Variants in OXCT1 observed in about 807,000 individuals in gnomAD.
OXCT1 encodes the protein succinyl-CoA:3-ketoacid coenzyme A transferase 1, mitochondrial.
In OXCT1, 27 loss-of-function variants were observed where a neutral mutation model predicts 69.6. That is an observed-to-expected ratio of 0.39 (90% CI 0.29 to 0.54). The LOEUF is 0.54. OXCT1 is among the 20% of genes least tolerant of loss of function. The pLI is 0.72. For synonymous variants in OXCT1, 202 were observed against 217.8 expected (o/e 0.93, Z 0.64); for missense variants, 437 against 650.2 (o/e 0.67, Z 3.57).
chr5:41,838,774 C>A (rs983226250), intron 7 of OXCT1, among the ~76,000 whole-genome samples: 1 of 152,090 alleles, frequency 6.6e-6, no homozygotes, highest in Non-Finnish European at 1.5e-5. Flanking sequence ...TAGGCACATG[C>A]CACCACGTCT....
chr5:41,865,350 C>CA (rs969704052), intron 1 of OXCT1, among the ~76,000 whole-genome samples: 21 of 151,920 alleles, frequency 1.4e-4, no homozygotes, highest in African/African-American at 4.6e-4. Context: ...ACACTCTCTG[C>CA]AAAAAAATAT....
At chr5:41,779,103 T>C (rs1745273025) in intron 13 of OXCT1, among the ~76,000 whole-genome samples, 1 of 152,228 alleles carries the variant, frequency 6.6e-6, no homozygotes, top group South Asian at 2.1e-4. Flanking sequence ...TTATACGTGT[T>C]AGAAGCCTGA....
chr5:41,775,236 T>C (rs753286031), intron 13 of OXCT1, among the ~76,000 whole-genome samples: 1 of 152,058 alleles, frequency 6.6e-6, no homozygotes, highest in Non-Finnish European at 1.5e-5. Flanking sequence ...ACAAAACTGC[T>C]CCCCATTTCA....
intron 4 of OXCT1, among the ~76,000 whole-genome samples, chr5:41,852,128 A>AC (rs1269698983): frequency 6.6e-6 from 1 of 152,138 alleles, no homozygotes; most frequent in Non-Finnish European, 1.5e-5. Flanking sequence ...ACTGTGAGAA[A>AC]CTTCTGTTGT....
At chr5:41,865,013 A>G (rs947717880) in intron 1 of OXCT1, among the ~76,000 whole-genome samples, 3 of 152,194 alleles carry the variant, frequency 2.0e-5, no homozygotes, top group African/African-American at 7.2e-5. Context: ...AGGAAGTTGG[A>G]AGAAAACTCA....
chr5:41,854,682 TA>T (rs1382648199), intron 3 of OXCT1, among the ~76,000 whole-genome samples: 8 of 152,144 alleles, frequency 5.3e-5, no homozygotes, highest in Admixed American at 3.3e-4. Flanking sequence ...GAAATTGTTT[TA>T]ATGGGGAAGT....
chr5:41,786,393 T>G (rs1195140216), intron 13 of OXCT1, among the ~76,000 whole-genome samples: 1 of 152,150 alleles, frequency 6.6e-6, no homozygotes, highest in Non-Finnish European at 1.5e-5. Context: ...TTGATCCTGG[T>G]GGGTGCCAAA....
At chr5:41,836,165 T>C (rs766367351) in intron 7 of OXCT1, among the ~76,000 whole-genome samples, 3 of 152,168 alleles carry the variant, frequency 2.0e-5, no homozygotes, top group African/African-American at 4.8e-5. Flanking sequence ...CCCTGGCTGG[T>C]TTTGCACTTG....
intron 13 of OXCT1, among the ~76,000 whole-genome samples, chr5:41,789,395 T>G (rs955111484): frequency 3.3e-5 from 5 of 152,236 alleles, no homozygotes; most frequent in African/African-American, 1.2e-4. Flanking sequence ...TGTTAACTAC[T>G]GCATCCCCAA....
At position 41,806,067 on chromosome 5, in the gene OXCT1, G is replaced by A. The variant is rs191127796; in HGVS notation, c.841-386C>T. Among the ~76,000 whole-genome samples the A allele has an allele frequency of 2.8e-3, 431 of 152,188 alleles. 2 individuals are homozygous for A. The highest frequency in any genetic ancestry group is 4.2e-3 in the Non-Finnish European group (288 of 67,984). ...GTGTTTTTCAGGGCTGTCAGAATGT[G>A]TTTACCAGGTGTTGCTGCTGCCAAT... On this transcript the variant is annotated intron_variant, in intron 8 of 16. Coordinates refer to ENST00000196371, the MANE Select transcript of OXCT1 (RefSeq NM_000436.4).
intron 6 of OXCT1, among the ~76,000 whole-genome samples, chr5:41,841,427 G>A (rs1178485805): frequency 6.6e-6 from 1 of 152,126 alleles, no homozygotes; most frequent in Admixed American, 6.6e-5. Context: ...ATGGTCAGAG[G>A]CAAAGGAGTC....
Position 41,870,400 on chromosome 5 carries a change from G to C in OXCT1, c.-42C>G. 6.7e-7 allele frequency: 1 copy of C among 1,493,584 alleles called. No individual in the cohort carries two copies. The highest frequency in any genetic ancestry group is 9.3e-7 in the Non-Finnish European group (1 of 1,076,722). 92.5% of individuals were successfully genotyped at this position (1,493,584 alleles called of 1,614,324 possible). Reference sequence around the variant, plus strand: ...AGGAGGAGGCTGCGGGTTGGAGCGCGCGTTTGAGCGTCGGTGCGCGACTGC... The same window carrying C: ...AGGAGGAGGCTGCGGGTTGGAGCGCCCGTTTGAGCGTCGGTGCGCGACTGC... On this transcript the variant is annotated 5_prime_UTR_variant, in exon 1 of 17. Transcript: ENST00000196371. This position sits in a 1 kb window ranked among gnomAD's most constrained non-coding sequence, Gnocchi z 4.2.
chr5:41,832,514 C>T (rs955792505), intron 7 of OXCT1, among the ~76,000 whole-genome samples: 13 of 152,094 alleles, frequency 8.5e-5, no homozygotes, highest in African/African-American at 3.1e-4. Context: ...AGCCCAAGTC[C>T]CTTTGAATAC....
chr5:41,857,456 G>A (rs1749484082), intron 3 of OXCT1, among the ~76,000 whole-genome samples: 1 of 152,138 alleles, frequency 6.6e-6, no homozygotes. Flanking sequence ...TGGCTGCCCT[G>A]TAGACTAAAT....
chr5:41,859,861 A>AGTAATATATATATATATATATATATAT (rs1749632914), intron 3 of OXCT1, among the ~76,000 whole-genome samples: 3 of 96,774 alleles, frequency 3.1e-5, no homozygotes, highest in African/African-American at 1.1e-4. Flanking sequence ...TGACTAGTAT[A>AGTAATATATATATATATATATATATAT]GTAATATATA....
chr5:41,811,496 T>A (rs1367594152), intron 7 of OXCT1, among the ~76,000 whole-genome samples: 3 of 152,012 alleles, frequency 2.0e-5, no homozygotes, highest in Admixed American at 6.6e-5. Context: ...GGTCAGCATG[T>A]AAGGCATCTT....
chr5:41,822,355 A>T (rs1448179571), intron 7 of OXCT1, among the ~76,000 whole-genome samples: 1 of 152,172 alleles, frequency 6.6e-6, no homozygotes, highest in Non-Finnish European at 1.5e-5. Flanking sequence ...ATAAACACTA[A>T]GAATTTTTCT....
intron 14 of OXCT1, among the ~76,000 whole-genome samples, chr5:41,750,135 G>GTTTTTTTTTTTTTTTTTTTTTTTTTGTT (rs11291155): frequency 2.7e-5 from 2 of 73,924 alleles, no homozygotes; most frequent in Non-Finnish European, 5.0e-5. Context: ...GTGTTTTTTG[G>GTTTTTTTTTTTTTTTTTTTTTTTTTGTT]TTTTTTTTTT....
At chr5:41,821,307 TG>T (rs1340918205) in intron 7 of OXCT1, among the ~76,000 whole-genome samples, 1 of 152,156 alleles carries the variant, frequency 6.6e-6, no homozygotes, top group Admixed American at 6.5e-5. Context: ...GCCAATAAAG[TG>T]GTTCTTAGAT....
Sources: gnomAD v4.1 joint callset for allele counts (sites outside exome capture counted in the v4.1 genomes callset) on GRCh38, gnomAD v4.1.1 for gene constraint, Gnocchi (gnomAD v3.1) non-coding constraint, MANE v1.5 for transcripts, NCBI Gene and HGNC (gene_info 2026-07-23, HGNC 2026-07-21) for gene names.